Variants in KCNQ2 observed in about 807,000 individuals in gnomAD.
KCNQ2 encodes the protein potassium voltage-gated channel subfamily Q member 2.
KCNQ2 carries 14 observed loss-of-function variants against 84.8 expected under a neutral mutation model. The ratio of observed to expected loss-of-function variants is 0.17; its 90% CI spans 0.11 to 0.26. The LOEUF (loss-of-function observed/expected upper bound fraction) is 0.26. KCNQ2 is among the 10% of genes least tolerant of loss of function. KCNQ2 has a pLI of 1.00. For synonymous variants in KCNQ2, 599 were observed against 554.1 expected, an observed-to-expected ratio of 1.08 and a Z score of -1.14; for missense variants, 788 against 1,254.0, an observed-to-expected ratio of 0.63 and a Z score of 5.61.
Position 63,408,675 on chromosome 20 carries a change from C to T in KCNQ2, c.1764-139G>A. On this transcript the variant is annotated intron_variant, in intron 15 of 16. Coordinates refer to ENST00000359125, the MANE Select transcript of KCNQ2 (RefSeq NM_172107.4). The surrounding 1 kb of genome is among the most constrained non-coding windows in gnomAD (Gnocchi z 5.0). ...AGAGCCGACCAGGGGGCAGTGGGTG[C>T]CAGGACAGATGGACGGGGTGCGCCC... 1.5e-6 allele frequency: 2 copies of T among 1,327,498 alleles called. No homozygotes were observed. Among genetic ancestry groups the T allele is most frequent in the East Asian group, 5.0e-5 (2 of 39,736 alleles). The allele number at this position is 1,327,498 out of a possible 1,614,324, so 82.2% of individuals were successfully genotyped here.
rs1043872141 is a variant in KCNQ2 at position 63,411,840 on chromosome 20, C to A, written c.1763+1610G>T. Reference sequence around the variant, plus strand: ...GTCCTTTGGTGGGGTACTTCTTGTGCCGGGGAGTTGAAGGGGGCGGGGGAC... The same window carrying A: ...GTCCTTTGGTGGGGTACTTCTTGTGACGGGGAGTTGAAGGGGGCGGGGGAC... On this transcript the variant is annotated intron_variant, in intron 15 of 16. Transcript: ENST00000359125. 4.3e-6 allele frequency: 3 copies of A among 702,646 alleles called. No homozygotes were observed. In the Admixed American group the frequency reaches 6.4e-5, roughly 15 times the overall value. 43.5% of individuals were successfully genotyped at this position (702,646 alleles called of 1,614,324 possible).
intron 1 of KCNQ2, among the ~76,000 whole-genome samples, chr20:63,462,181 G>A (rs1302210709): frequency 7.1e-6 from 1 of 140,602 alleles, no homozygotes; most frequent in Non-Finnish European, 1.5e-5. Flanking sequence ...CAGGGAGCAG[G>A]GAGGAGGCTG....
At chr20:63,421,546 C>G (rs919857466) in intron 11 of KCNQ2, among the ~76,000 whole-genome samples, 13 of 152,174 alleles carry the variant, frequency 8.5e-5, no homozygotes, top group Non-Finnish European at 1.5e-4. Context: ...GTGAGAAGGC[C>G]CTGTGACCCG....
chr20:63,436,845 C>T (rs181897746), intron 7 of KCNQ2, among the ~76,000 whole-genome samples: 192 of 145,872 alleles, frequency 1.3e-3, no homozygotes, highest in Non-Finnish European at 2.2e-3. Flanking sequence ...GGCGCAATCT[C>T]GGCTCACTGC....
At chr20:63,440,668 G>A (rs1367987592) in intron 5 of KCNQ2, among the ~76,000 whole-genome samples, 1 of 152,192 alleles carries the variant, frequency 6.6e-6, no homozygotes, top group Non-Finnish European at 1.5e-5. Flanking sequence ...CCCACCTTGG[G>A]GAGTTTACCC....
intron 12 of KCNQ2, among the ~76,000 whole-genome samples, chr20:63,415,403 G>T (rs1449547539): frequency 7.6e-6 from 1 of 131,388 alleles, no homozygotes; most frequent in East Asian, 2.2e-4. Context: ...AGGGAGGGGG[G>T]GAGGCTACCG....
chr20:63,438,381 C>T lies in KCNQ2; in HGVS notation c.1023+244G>A. On this transcript the variant is annotated intron_variant, in intron 7 of 16. Coordinates refer to ENST00000359125, the MANE Select transcript of KCNQ2 (RefSeq NM_172107.4). This position sits in a 1 kb window ranked among gnomAD's most constrained non-coding sequence, Gnocchi z 5.1. The stretch of plus-strand genomic sequence containing the variant: ...GGACCTGATGGCCGGGCCCCAGCAC[C>T]CACACAAGGCAAGGGCCACCCCAGC... The T allele has an allele frequency of 3.4e-6, 2 of 591,976 alleles. No homozygotes were observed. Among genetic ancestry groups the T allele is most frequent in the South Asian group, 3.9e-5 (2 of 51,406 alleles). 36.7% of individuals were successfully genotyped at this position (591,976 alleles called of 1,614,324 possible). A position where few individuals can be genotyped will look rare whatever the true frequency, so the allele number is the denominator to read the frequency against.
At position 63,442,475 on chromosome 20, in the gene KCNQ2, C is replaced by G. The variant is rs910999700; in HGVS notation, c.747G>C (p.Leu249=). ...GFLCLILASF[L]VYLAEKGEND... ...TCTCCCCCTTCTCTGCCAAGTACAC[C>G]AGGAACGAGGCCAGGATGAGACAAA... is the stretch of plus-strand genomic sequence containing the variant. Residue 249 remains leucine, a synonymous_variant, in exon 5 of 17, where the codon CTG becomes CTC. Coordinates refer to ENST00000359125, the MANE Select transcript of KCNQ2 (RefSeq NM_172107.4). 1 of 1,613,740 alleles carries G rather than the reference C, an allele frequency of 6.2e-7. No individual in the cohort carries two copies. Among genetic ancestry groups the G allele is most frequent in the Non-Finnish European group, 8.5e-7 (1 of 1,179,938 alleles).
At chr20:63,424,292 A>T in intron 10 of KCNQ2, 86 bp from the exon 11 acceptor site, 1 of 1,457,382 alleles carries the variant, frequency 6.9e-7, no homozygotes, top group Non-Finnish European at 9.4e-7. Context: ...CCACAGTCCC[A>T]TGGGTCAGGG....
chr20:63,458,477 G>A (rs1006810734), intron 1 of KCNQ2, among the ~76,000 whole-genome samples: 1 of 152,150 alleles, frequency 6.6e-6, no homozygotes, highest in Non-Finnish European at 1.5e-5. Context: ...CTACCCGCAG[G>A]TCCCAGAGCC....
rs1179319270 is a variant in KCNQ2 at position 63,431,867 on chromosome 20, C to T, written c.1119-498G>A. 2.0e-5 allele frequency among the ~76,000 whole-genome samples: 3 copies of T among 152,052 alleles called. No individual in the cohort carries two copies. In the East Asian group the frequency reaches 5.8e-4, roughly 29 times the overall value. ...CCTGCCCCACCCTCAGGGAAGGCCC[C>T]ACCCTCAGGGAAAGCCCCGCCCACA... On this transcript the variant is annotated intron_variant, in intron 8 of 16. Transcript: ENST00000359125.
At position 63,419,781 on chromosome 20, in the gene KCNQ2, G is replaced by A. The variant is rs1202907294; in HGVS notation, c.1248-109C>T. On this transcript the variant is annotated intron_variant, in intron 11 of 16. Coordinates refer to ENST00000359125, the MANE Select transcript of KCNQ2 (RefSeq NM_172107.4). ...CCCAGGGTGTTGTGTGCAGTCCCCA[G>A]CGGCAGAGCTTGCGCCCAAGCAAGG... The A allele has an allele frequency of 5.0e-6, 5 of 1,002,446 alleles. No individual in the cohort carries two copies. In the East Asian group the frequency reaches 7.7e-5, roughly 15 times the overall value. The allele number at this position is 1,002,446 out of a possible 1,614,324, so 62.1% of individuals were successfully genotyped here.
At chr20:63,413,399 G>C in intron 15 of KCNQ2, 51 bp downstream of exon 15, 24 of 1,607,356 alleles carry the variant, frequency 1.5e-5, no homozygotes, top group Non-Finnish European at 2.0e-5. Flanking sequence ...CTTTGTCCCA[G>C]AAGCCCACCC....
At chr20:63,461,008 C>T (rs922933188) in intron 1 of KCNQ2, 2 of 152,260 alleles carry the variant, frequency 1.3e-5, no homozygotes, top group Admixed American at 1.3e-4. Flanking sequence ...CCGCCTGAAT[C>T]CTATTCTGTT....
intron 15 of KCNQ2, among the ~76,000 whole-genome samples, chr20:63,412,736 C>T (rs950086708): frequency 2.6e-5 from 4 of 152,210 alleles, no homozygotes; most frequent in African/African-American, 9.6e-5. Flanking sequence ...GAAACTGGTA[C>T]AGCCTTGGTT....
In KCNQ2 at chr20:63,446,855, G is replaced by A. The variant is rs370109710; in HGVS notation, c.297-18C>T. 840 of 1,608,132 alleles carry A rather than the reference G, an allele frequency of 5.2e-4. No individual in the cohort carries two copies. The highest frequency in any genetic ancestry group is 1.5e-3 in the Middle Eastern group (9 of 6,056). On this transcript the variant is annotated intron_variant, in intron 1 of 16. Transcript: ENST00000359125. The surrounding 1 kb of genome is among the most constrained non-coding windows in gnomAD (Gnocchi z 5.5). ...GGAGGAACCTGGGGGCAGGGAACGC[G>A]CGCTCTCAGACAGGCCGCAGCAGGG...
rs1379133068 is a variant in KCNQ2, at chr20:63,406,389, C to T, written c.*255G>A. On this transcript the variant is annotated 3_prime_UTR_variant, in exon 17 of 17. Coordinates refer to ENST00000359125, the MANE Select transcript of KCNQ2 (RefSeq NM_172107.4). ...GCGGCCCTGAGCAGAGTGGACAGGG[C>T]AGCCTTGCTCCTGCACGCTGCTCCT... The T allele has an allele frequency of 1.7e-5, 9 of 536,802 alleles. No individual in the cohort carries two copies. Among genetic ancestry groups the T allele is most frequent in the East Asian group, 3.2e-5 (1 of 31,558 alleles). The allele number at this position is 536,802 out of a possible 1,614,324, so 33.3% of individuals were successfully genotyped here.
At chr20:63,420,174 C>A (rs999790910) in intron 11 of KCNQ2, among the ~76,000 whole-genome samples, 1 of 152,198 alleles carries the variant, frequency 6.6e-6, no homozygotes, top group African/African-American at 2.4e-5. Context: ...CTCGGTTTAC[C>A]CAGGAGGCGT....
intron 12 of KCNQ2, among the ~76,000 whole-genome samples, chr20:63,417,948 T>C (rs2080347461): frequency 6.6e-6 from 1 of 152,140 alleles, no homozygotes; most frequent in Admixed American, 6.5e-5. Flanking sequence ...GGCGCGGCCC[T>C]GCTGTCCCGG....
Sources: gnomAD v4.1 joint callset for allele counts (sites outside exome capture counted in the v4.1 genomes callset) on GRCh38, gnomAD v4.1.1 for gene constraint, Gnocchi (gnomAD v3.1) non-coding constraint, MANE v1.5 for transcripts, NCBI Gene and HGNC (gene_info 2026-07-23, HGNC 2026-07-21) for gene names.